Variants in ESR1 observed in about 807,000 individuals in gnomAD.
ESR1 encodes estrogen receptor 1, also known as estrogen receptor.
ESR1 carries 12 observed loss-of-function variants against 52.7 expected under a neutral mutation model. The observed-to-expected ratio is 0.23, with a 90% CI of 0.15 to 0.37. The LOEUF (loss-of-function observed/expected upper bound fraction) is 0.37, where lower values mean the gene tolerates loss of function less well. Ranked by LOEUF, ESR1 falls within the 10% of genes least tolerant of loss-of-function variation. The pLI is 1.00. For missense variants in ESR1, 584 were observed against 779.7 expected, an observed-to-expected ratio of 0.75 and a Z score of 2.99; for synonymous variants, 305 against 316.8, an observed-to-expected ratio of 0.96 and a Z score of 0.39.
intron 2 of ESR1, among the ~76,000 whole-genome samples, chr6:151,707,079 G>A (rs12662889): frequency 6.6e-6 from 1 of 152,176 alleles, no homozygotes; most frequent in Non-Finnish European, 1.5e-5. Flanking sequence ...AGCATTGGAG[G>A]CAGGCTGTGC....
At chr6:151,726,047 G>A (rs947884414) in intron 2 of ESR1, among the ~76,000 whole-genome samples, 8 of 152,174 alleles carry the variant, frequency 5.3e-5, no homozygotes, top group African/African-American at 1.9e-4. Context: ...GGTGTTTGAT[G>A]TATGCAGGGC....
At chr6:152,081,661 C>T (rs1386611230) in intron 6 of ESR1, among the ~76,000 whole-genome samples, 1 of 151,408 alleles carries the variant, frequency 6.6e-6, no homozygotes, top group Admixed American at 6.6e-5. Context: ...CACAAAAAGC[C>T]GTTCAAAAAA....
At chr6:152,055,067 A>AT (rs914791705) in intron 5 of ESR1, among the ~76,000 whole-genome samples, 27 of 150,728 alleles carry the variant, frequency 1.8e-4, no homozygotes, top group South Asian at 6.3e-4. Flanking sequence ...TCCATATTTT[A>AT]TTTTTTTTTG....
intron 1 of ESR1, among the ~76,000 whole-genome samples, chr6:151,812,367 T>C (rs947890513): frequency 6.6e-6 from 1 of 152,202 alleles, no homozygotes; most frequent in African/African-American, 2.4e-5. Flanking sequence ...TATAGAATGA[T>C]GATTATATGA....
chr6:151,705,546 C>G (rs1229480133), intron 2 of ESR1, among the ~76,000 whole-genome samples: 1 of 152,166 alleles, frequency 6.6e-6, no homozygotes. Context: ...TAATCAAGAA[C>G]TGACTACAAT....
chr6:151,696,834 A>T (rs1779386999), intron 1 of ESR1, among the ~76,000 whole-genome samples: 1 of 152,050 alleles, frequency 6.6e-6, no homozygotes, highest in Admixed American at 6.5e-5. Flanking sequence ...AGAAGAAGGT[A>T]TTTCTGGGTT....
intron 3 of ESR1, among the ~76,000 whole-genome samples, chr6:151,943,601 G>A (rs1370817445): frequency 1.3e-5 from 2 of 152,070 alleles, no homozygotes; most frequent in Admixed American, 6.6e-5. Context: ...CACCCCAGGG[G>A]GCCAGAGGCT....
intron 2 of ESR1, among the ~76,000 whole-genome samples, chr6:151,851,398 G>A (rs951093077): frequency 2.0e-5 from 3 of 152,000 alleles, no homozygotes; most frequent in African/African-American, 7.2e-5. Context: ...AGTCCTTAAA[G>A]GTGAGGGCCC....
At chr6:151,764,784 C>T (rs1784920586) in intron 2 of ESR1, among the ~76,000 whole-genome samples, 1 of 152,192 alleles carries the variant, frequency 6.6e-6, no homozygotes, top group African/African-American at 2.4e-5. Context: ...TCCATAATGG[C>T]ATCAGTGTCT....
In ESR1 at chr6:151,669,187, A is replaced by AGG. The variant is rs1562319551; in HGVS notation, n.73+12425_73+12426insGG. On this transcript the variant is annotated intron_variant and non_coding_transcript_variant, in intron 1 of 2. Transcript: ENST00000473497. ...GAGAGAGAGAGAGAGAGAGAGAGAGAGATGGGAATCCAGGGGAGAACAGAA... is the reference window on the plus strand; with the variant it reads ...GAGAGAGAGAGAGAGAGAGAGAGAGAGGGATGGGAATCCAGGGGAGAACAGAA... Among the ~76,000 whole-genome samples the AGG allele has an allele frequency of 3.7e-4, 40 of 107,236 alleles. 2 individuals carry two copies. Among genetic ancestry groups the AGG allele is most frequent in the South Asian group, 1.1e-3 (3 of 2,772 alleles). The allele number at this position is 107,236 out of a possible 152,430, so 70.4% of individuals were successfully genotyped here. A position where few individuals can be genotyped will look rare whatever the true frequency, so the allele number is the denominator to read the frequency against.
chr6:151,960,749 AG>A lies in ESR1; in HGVS notation c.1096+16246del, dbSNP rs1461278720. On this transcript the variant is annotated intron_variant, in intron 4 of 7. Transcript: ENST00000206249. ...TCTACTGGGTTGAGAAGACATCCAAAGGGGGCCAAAGATTGAGGCAGGGAGA... is the reference window on the plus strand; with the variant it reads ...TCTACTGGGTTGAGAAGACATCCAAAGGGGCCAAAGATTGAGGCAGGGAGA... 2.6e-5 allele frequency among the ~76,000 whole-genome samples: 4 copies of A among 152,292 alleles called. No homozygotes were observed. The East Asian group carries it at 7.7e-4, about 29-fold the overall frequency.
At chr6:152,123,539 T>C (rs907743903) in intron 6 of ESR1, among the ~76,000 whole-genome samples, 1 of 152,214 alleles carries the variant, frequency 6.6e-6, no homozygotes, top group Non-Finnish European at 1.5e-5. Context: ...GCCTGGAAAA[T>C]ACAGAATCTG....
rs1206401982 is a variant in ESR1, at chr6:152,071,052, TAGAG to T, written c.1369+9933_1369+9936del. On this transcript the variant is annotated intron_variant, in intron 6 of 7. Transcript: ENST00000206249. ...GCCTTTACTTGATTCATCTGTAAAA[TAGAG>T]AGAGTAGTAGTTCCTACAGTGTGGT... 2.7e-5 allele frequency among the ~76,000 whole-genome samples: 4 copies of T among 150,020 alleles called. 1 individual carries two copies. The highest frequency in any genetic ancestry group is 7.5e-5 in the African/African-American group (3 of 39,890).
intron 4 of ESR1, among the ~76,000 whole-genome samples, chr6:151,967,029 G>A (rs2038347936): frequency 6.6e-6 from 1 of 152,116 alleles, no homozygotes; most frequent in Non-Finnish European, 1.5e-5. Context: ...CTTATTTAGA[G>A]TGGGATGGAA....
intron 3 of ESR1, among the ~76,000 whole-genome samples, chr6:151,917,424 A>G (rs1035920194): frequency 6.6e-6 from 1 of 152,228 alleles, no homozygotes; most frequent in African/African-American, 2.4e-5. Flanking sequence ...TTATTAATAA[A>G]TCAGACTCTT....
At chr6:151,782,346 G>A (rs540596114) in intron 2 of ESR1, among the ~76,000 whole-genome samples, 11 of 152,152 alleles carry the variant, frequency 7.2e-5, no homozygotes, top group South Asian at 2.1e-4. Flanking sequence ...CTTACTTTAC[G>A]TAAGATGGTA....
intron 5 of ESR1, among the ~76,000 whole-genome samples, chr6:152,048,790 G>A (rs1167618073): frequency 3.3e-5 from 5 of 152,198 alleles, no homozygotes; most frequent in Admixed American, 3.3e-4. Flanking sequence ...AGTATTAATT[G>A]TATTTTTTAC....
At chr6:151,916,350 A>G (rs974084212) in intron 3 of ESR1, among the ~76,000 whole-genome samples, 1 of 152,238 alleles carries the variant, frequency 6.6e-6, no homozygotes, top group Non-Finnish European at 1.5e-5. Flanking sequence ...AATTCAATAC[A>G]TGAAACATTC....
chr6:151,716,003 C>T (rs1424439375), intron 2 of ESR1, among the ~76,000 whole-genome samples: 1 of 152,148 alleles, frequency 6.6e-6, no homozygotes, highest in African/African-American at 2.4e-5. Context: ...TGTTGGTGAC[C>T]TTTGGATGGG....
Sources: allele counts gnomAD v4.1 joint callset (sites outside exome capture counted in the v4.1 genomes callset), GRCh38; gene constraint gnomAD v4.1.1; transcripts MANE v1.5; gene names NCBI Gene and HGNC (gene_info 2026-07-23, HGNC 2026-07-21).